The following MYT1L variants were observed in gnomAD, a reference collection of about 807,000 sequenced individuals.
MYT1L encodes myelin transcription factor 1 like.
In MYT1L, 12 loss-of-function variants were observed where a neutral mutation model predicts 126.7. The observed-to-expected ratio is 0.09, with a 90% CI of 0.06 to 0.15. MYT1L has a LOEUF of 0.15. MYT1L is among the 10% of genes least tolerant of loss of function. The pLI is 1.00. For missense variants in MYT1L, 979 were observed against 1,585.2 expected (o/e 0.62, Z 6.49); for synonymous variants, 541 against 604.2 (o/e 0.90, Z 1.53).
chr2:2,110,958 G>A (rs1173851426), intron 3 of MYT1L, among the ~76,000 whole-genome samples: 2 of 152,170 alleles, frequency 1.3e-5, no homozygotes, highest in African/African-American at 2.4e-5. Flanking sequence ...TGTGGAGCAC[G>A]CAGGGTGGCC....
intron 19 of MYT1L, among the ~76,000 whole-genome samples, chr2:1,851,411 A>C (rs1021794838): frequency 8.5e-5 from 13 of 152,160 alleles, no homozygotes; most frequent in Non-Finnish European, 1.9e-4. Flanking sequence ...GGCCACTTGC[A>C]CTGCATGTGA....
rs550915684 is a variant in MYT1L at position 1,941,012 on chromosome 2, C to A, written c.505+1970G>T. On this transcript the variant is annotated intron_variant, in intron 9 of 24. Coordinates refer to ENST00000647738, the MANE Select transcript of MYT1L (RefSeq NM_001303052.2). ...CAAAAATGTCTTTAATTCTAGTTTG[C>A]TTTCCAGCGTTTAAAAACAATTATA... Among the ~76,000 whole-genome samples, 4 of 152,302 alleles carry A rather than the reference C, an allele frequency of 2.6e-5. No individual in the cohort carries two copies. The East Asian group carries it at 7.7e-4, about 29-fold the overall frequency.
intron 3 of MYT1L, among the ~76,000 whole-genome samples, chr2:2,170,135 A>C (rs1358732509): frequency 6.6e-6 from 1 of 152,312 alleles, no homozygotes; most frequent in Admixed American, 6.5e-5. Context: ...TGGGAGTAGC[A>C]CATCTGTGGA....
intron 18 of MYT1L, among the ~76,000 whole-genome samples, chr2:1,879,428 G>C (rs1480964833): frequency 6.6e-6 from 1 of 152,084 alleles, no homozygotes; most frequent in Non-Finnish European, 1.5e-5. Context: ...GTCAGATGTG[G>C]GGGCCCATGA....
At chr2:2,011,474 A>T (rs771049618) in intron 4 of MYT1L, among the ~76,000 whole-genome samples, 8 of 152,076 alleles carry the variant, frequency 5.3e-5, no homozygotes, top group Non-Finnish European at 7.4e-5. Context: ...TTGGCAACAT[A>T]TTCTTAAATA....
At chr2:2,218,507 A>C (rs2093758802) in intron 2 of MYT1L, among the ~76,000 whole-genome samples, 1 of 152,174 alleles carries the variant, frequency 6.6e-6, no homozygotes, top group African/African-American at 2.4e-5. Context: ...ATCCTGAAAA[A>C]TGCAAACTCA....
intron 24 of MYT1L, 79 bp downstream of exon 24, chr2:1,792,242 A>C: frequency 6.8e-7 from 1 of 1,461,490 alleles, no homozygotes; most frequent in Non-Finnish European, 9.1e-7. Flanking sequence ...CCATGAAAAT[A>C]ACGATAAAAA....
intron 8 of MYT1L, among the ~76,000 whole-genome samples, chr2:1,948,036 G>A (rs777204571): frequency 1.9e-4 from 29 of 152,222 alleles, no homozygotes; most frequent in African/African-American, 5.5e-4. Flanking sequence ...TGATAGAAGC[G>A]TCGGCTGTTC....
intron 3 of MYT1L, among the ~76,000 whole-genome samples, chr2:2,114,013 C>T (rs2079867265): frequency 6.6e-6 from 1 of 151,368 alleles, no homozygotes; most frequent in Non-Finnish European, 1.5e-5. Flanking sequence ...GTTATGAAAA[C>T]ATTACTGCCT....
chr2:1,914,851 C>T (rs1271759135), intron 11 of MYT1L, among the ~76,000 whole-genome samples: 1 of 152,226 alleles, frequency 6.6e-6, no homozygotes, highest in African/African-American at 2.4e-5. Flanking sequence ...ACTGTCTTTT[C>T]CATGCCCTGA....
At chr2:2,300,925 C>T (rs1418722116) in intron 1 of MYT1L, among the ~76,000 whole-genome samples, 2 of 152,196 alleles carry the variant, frequency 1.3e-5, no homozygotes, top group Non-Finnish European at 2.9e-5. Flanking sequence ...AAAACGCCCA[C>T]TCTCCTGCAG....
At chr2:2,325,118 T>C (rs905701402) in intron 1 of MYT1L, 36 of 152,438 alleles carry the variant, frequency 2.4e-4, no homozygotes, top group African/African-American at 6.8e-4. Context: ...TCTCGTATCA[T>C]TGATGTTATG....
intron 2 of MYT1L, among the ~76,000 whole-genome samples, chr2:2,213,881 T>C (rs932701490): frequency 6.6e-6 from 1 of 152,048 alleles, no homozygotes; most frequent in African/African-American, 2.4e-5. Flanking sequence ...GAAAAATCAA[T>C]CAATCTAACC....
chr2:2,154,139 CCT>C (rs1390195394), intron 3 of MYT1L, among the ~76,000 whole-genome samples: 2 of 152,154 alleles, frequency 1.3e-5, no homozygotes, highest in African/African-American at 4.8e-5. Flanking sequence ...GGTTTACGTC[CCT>C]GTTCTCTACT....
rs562567324 is a variant in MYT1L, at chr2:1,789,569, T to C, written c.*2298A>G. 6.6e-6 allele frequency: 1 copy of C among 152,322 alleles called. No homozygotes were observed. Among genetic ancestry groups the C allele is most frequent in the South Asian group, 2.1e-4 (1 of 4,820 alleles). 9.4% of individuals were successfully genotyped at this position (152,322 alleles called of 1,614,324 possible). On this transcript the variant is annotated 3_prime_UTR_variant, in exon 25 of 25. Coordinates refer to ENST00000647738, the MANE Select transcript of MYT1L (RefSeq NM_001303052.2). ...GTTTGTGCTTAAAATCCCTTTCCAT[T>C]GTACATAGGTGATAACAATAAGAAT...
Position 1,812,894 on chromosome 2 carries a change from A to G in MYT1L, c.3081-3727T>C, listed in dbSNP as rs1050945812. ...CCGTCTCAAAAAAAAAAAAAAAAAA[A>G]AAGACTCTTGAATGCAGCTGCCGCC... On this transcript the variant is annotated intron_variant, in intron 21 of 24. Transcript: ENST00000647738. 9.9e-5 allele frequency among the ~76,000 whole-genome samples: 15 copies of G among 151,470 alleles called. No homozygotes were observed. The East Asian group carries it at 2.3e-3, about 24-fold the overall frequency.
intron 8 of MYT1L, among the ~76,000 whole-genome samples, chr2:1,966,960 A>C (rs1477659741): frequency 2.0e-5 from 3 of 152,136 alleles, no homozygotes; most frequent in African/African-American, 7.2e-5. Context: ...CTTTTTAGCT[A>C]GATGTGTTGA....
intron 21 of MYT1L, among the ~76,000 whole-genome samples, chr2:1,835,278 A>G (rs2040732625): frequency 6.6e-6 from 1 of 152,236 alleles, no homozygotes; most frequent in Admixed American, 6.5e-5. Flanking sequence ...CCTTCAATGC[A>G]CTCAGAACAC....
intron 3 of MYT1L, among the ~76,000 whole-genome samples, chr2:2,159,641 C>T (rs943611472): frequency 3.9e-5 from 6 of 151,948 alleles, no homozygotes; most frequent in African/African-American, 1.2e-4. Flanking sequence ...AGCGAGGGGG[C>T]GTGGATCCCC....
Sources: allele counts gnomAD v4.1 joint callset (sites outside exome capture counted in the v4.1 genomes callset), GRCh38; gene constraint gnomAD v4.1.1; transcripts MANE v1.5; gene names NCBI Gene and HGNC (gene_info 2026-07-23, HGNC 2026-07-21).